The following TTC22 variants were observed in gnomAD, a reference collection of about 807,000 sequenced individuals.
The protein encoded by TTC22 is tetratricopeptide repeat domain 22, also known as tetratricopeptide repeat protein 22.
Under a neutral mutation model 48.2 loss-of-function variants are expected in TTC22, and 42 were observed. That is an observed-to-expected ratio of 0.87 (90% CI 0.68 to 1.13). The LOEUF (loss-of-function observed/expected upper bound fraction) is 1.13. Among genes scored for constraint, TTC22 ranks in the 50% most tolerant of loss-of-function variants. TTC22 has a pLI of 0.00. For synonymous variants in TTC22, 345 were observed against 365.5 expected (o/e 0.94, Z 0.64); for missense variants, 784 against 807.0 (o/e 0.97, Z 0.34).
chr1:54,794,446 A>G (rs1168718040), intron 1 of TTC22, among the ~76,000 whole-genome samples: 1 of 152,206 alleles, frequency 6.6e-6, no homozygotes, highest in East Asian at 1.9e-4. Context: ...AAGATCTTTC[A>G]CTACCCCAAT....
Position 54,781,030 on chromosome 1 carries a change from T to A in TTC22, c.*213A>T, listed in dbSNP as rs964154004. ...TGTTTTCTCACCTCTGCTCCCAGCCTCTTCTGCTCTCGGGAATCAGGCCTT... is the reference window on the plus strand; with the variant it reads ...TGTTTTCTCACCTCTGCTCCCAGCCACTTCTGCTCTCGGGAATCAGGCCTT... On this transcript the variant is annotated 3_prime_UTR_variant, in exon 7 of 7. Transcript: ENST00000371276. 3 of 401,350 alleles carry A rather than the reference T, an allele frequency of 7.5e-6. No individual in the cohort carries two copies. Among genetic ancestry groups the A allele is most frequent in the African/African-American group, 6.3e-5 (3 of 47,908 alleles). 24.9% of individuals were successfully genotyped at this position (401,350 alleles called of 1,614,324 possible). A position where few individuals can be genotyped will look rare whatever the true frequency, so the allele number is the denominator to read the frequency against.
At chr1:54,784,505 C>G in intron 5 of TTC22, 1 of 997,642 alleles carries the variant, frequency 1.0e-6, no homozygotes, top group Non-Finnish European at 1.2e-6. Context: ...TCCGGCCTCT[C>G]TCAGAGGGTT....
chr1:54,797,286 A>G (rs75364785), intron 1 of TTC22, among the ~76,000 whole-genome samples: 2 of 16,228 alleles, frequency 1.2e-4, no homozygotes, highest in South Asian at 3.8e-3. Context: ...GTGTATACAC[A>G]TGTGTGTATA....
rs1646310753 is a variant in TTC22, at chr1:54,787,166, A to G, written c.740-91T>C. 4 of 644,882 alleles carry G rather than the reference A, an allele frequency of 6.2e-6. No homozygotes were observed. The South Asian group carries it at 6.5e-5, about 10-fold the overall frequency. 39.9% of individuals were successfully genotyped at this position (644,882 alleles called of 1,614,324 possible). A position where few individuals can be genotyped will look rare whatever the true frequency, so the allele number is the denominator to read the frequency against. ...CCCATCCTAGGTGTCACCCATGAAG[A>G]CAAAGCAAGGGATAGTAGAGTGGGA... On this transcript the variant is annotated intron_variant, in intron 3 of 6. Transcript: ENST00000371276.
chr1:54,799,755 G>A (rs2101476761), intron 1 of TTC22, among the ~76,000 whole-genome samples: 1 of 152,304 alleles, frequency 6.6e-6, no homozygotes, highest in Non-Finnish European at 1.5e-5. Flanking sequence ...CTCCCAGCCG[G>A]GGAGAGGGAG....
chr1:54,785,945 C>T, intron 5 of TTC22, 38 bp downstream of exon 5: 2 of 1,591,354 alleles, frequency 1.3e-6, no homozygotes, highest in Non-Finnish European at 1.7e-6. Flanking sequence ...TCTCTGATTC[C>T]CAATGGCAGG....
intron 5 of TTC22, chr1:54,784,565 C>T: frequency 9.8e-7 from 1 of 1,018,880 alleles, no homozygotes; most frequent in Non-Finnish European, 1.2e-6. Context: ...TGATGAAATG[C>T]AGAATTTTAT....
chr1:54,781,268 C>A lies in TTC22; in HGVS notation c.1685G>T (p.Arg562Leu). Reference sequence around the variant, plus strand: ...CTAGAATGAGACAGCCCGGCGGTCCCGCGGCGCGCTGGCGCCCTCGCCCTC... The same window carrying A: ...CTAGAATGAGACAGCCCGGCGGTCCAGCGGCGCGCTGGCGCCCTCGCCCTC... ...EREGEGASAP[R>L]DRRAVSF The change falls in exon 7 of 7, where the codon CGG becomes CTG. Residue 562 changes from arginine to leucine, a missense_variant. Arg to Leu is a moderately radical substitution (Grantham distance 102). Coordinates refer to ENST00000371276, the MANE Select transcript of TTC22 (RefSeq NM_001114108.2). 1 of 1,476,964 alleles carries A rather than the reference C, an allele frequency of 6.8e-7. No homozygotes were observed. Among genetic ancestry groups the A allele is most frequent in the Admixed American group, 2.4e-5 (1 of 41,172 alleles). The allele number at this position is 1,476,964 out of a possible 1,614,324, so 91.5% of individuals were successfully genotyped here.
chr1:54,795,295 T>C lies in TTC22; in HGVS notation c.567+5302A>G, dbSNP rs1161496561. 2.6e-5 allele frequency among the ~76,000 whole-genome samples: 4 copies of C among 152,326 alleles called. No individual in the cohort carries two copies. In the East Asian group the frequency reaches 5.8e-4, roughly 22 times the overall value. On this transcript the variant is annotated intron_variant, in intron 1 of 6. Transcript: ENST00000371276. ...TGGTATGCGCACAGGTGGAGGGAAT[T>C]TGGGACTTGGGTGTTAGGCCATGGA... is the stretch of plus-strand genomic sequence containing the variant.
chr1:54,796,192 G>A lies in TTC22; in HGVS notation c.567+4405C>T, dbSNP rs548668317. Among the ~76,000 whole-genome samples the A allele has an allele frequency of 9.8e-5, 15 of 152,388 alleles. No homozygotes were observed. The South Asian group carries it at 2.1e-3, about 21-fold the overall frequency. On this transcript the variant is annotated intron_variant, in intron 1 of 6. Transcript: ENST00000371276. The stretch of plus-strand genomic sequence containing the variant: ...TGTGTGCGCGTGTGTGTGTCTGTGC[G>A]CGTGCGCACGTGTGGACACGCATGC...
Position 54,787,774 on chromosome 1 carries a change from C to T in TTC22, c.676G>A (p.Ala226Thr). ...AGTAGGGCCAGCGTGCGGTTGAAGG[C>T]AGGCAGTCTCTTCTGCTCCTCACTG... Reference protein sequence around the residue: ...LGSEEQKRLPAFNRTLALLRQ... With the variant: ...LGSEEQKRLPTFNRTLALLRQ... Residue 226 changes from alanine to threonine, a missense_variant, in exon 3 of 7, where the codon GCC (alanine) becomes ACC (threonine). Physicochemically the swap from Ala to Thr is moderately conservative, Grantham distance 58 (BLOSUM62 0). Transcript: ENST00000371276. 6.2e-7 allele frequency: 1 copy of T among 1,613,410 alleles called. No individual in the cohort carries two copies. The highest frequency in any genetic ancestry group is 8.5e-7 in the Non-Finnish European group (1 of 1,179,744).
intron 5 of TTC22, among the ~76,000 whole-genome samples, chr1:54,782,914 T>C (rs943107203): frequency 1.3e-5 from 2 of 152,148 alleles, no homozygotes; most frequent in African/African-American, 4.8e-5. Flanking sequence ...AAAATAAATA[T>C]GGCAATGGGA....
chr1:54,788,467 C>G (rs1298339874), intron 1 of TTC22, among the ~76,000 whole-genome samples: 1 of 152,062 alleles, frequency 6.6e-6, no homozygotes, highest in African/African-American at 2.4e-5. Flanking sequence ...GCAGTCTTCA[C>G]CTTCCTGAGA....
In TTC22 at chr1:54,781,165, T is replaced by A; in HGVS notation, c.*78A>T. 9.4e-7 allele frequency: 1 copy of A among 1,066,112 alleles called. No individual in the cohort carries two copies. The highest frequency in any genetic ancestry group is 1.2e-6 in the Non-Finnish European group (1 of 803,174). 66.0% of individuals were successfully genotyped at this position (1,066,112 alleles called of 1,614,324 possible). A position where few individuals can be genotyped will look rare whatever the true frequency, so the allele number is the denominator to read the frequency against. On this transcript the variant is annotated 3_prime_UTR_variant, in exon 7 of 7. Transcript: ENST00000371276. ...TCCCAGGTCAGCCTAAGGCAGGGAG[T>A]CCATCCGGACCTGGTCCCATCAGCT...
chr1:54,799,506 C>A (rs2101476339), intron 1 of TTC22, among the ~76,000 whole-genome samples: 1 of 152,354 alleles, frequency 6.6e-6, no homozygotes, highest in East Asian at 1.9e-4. Flanking sequence ...GGTAGTGTTG[C>A]AGCTGAGACA....
intron 1 of TTC22, among the ~76,000 whole-genome samples, chr1:54,794,442 TTTCACTACCCCAATGAC>T (rs1172764318): frequency 6.6e-6 from 1 of 152,212 alleles, no homozygotes; most frequent in African/African-American, 2.4e-5. Flanking sequence ...ATAGAAGATC[TTTCACTACCCCAATGAC>T]TTACAATATA....
intron 4 of TTC22, 196 bp from the exon 5 acceptor site, chr1:54,786,340 T>G (rs776752970): frequency 1.3e-5 from 7 of 535,544 alleles, no homozygotes; most frequent in Admixed American, 3.3e-5. Flanking sequence ...GCACAACCTA[T>G]TGGCACTCAA....
intron 5 of TTC22, 32 bp downstream of exon 5, chr1:54,785,951 G>A (rs1188466852): frequency 6.3e-7 from 1 of 1,596,366 alleles, no homozygotes; most frequent in East Asian, 2.2e-5. Context: ...ATTCCCAATG[G>A]CAGGGTATGG....
In TTC22 at chr1:54,787,057, A is replaced by G. The variant is rs1224250792; in HGVS notation, c.758T>C (p.Leu253Pro). Residue 253 changes from leucine (L) to proline (P), a missense_variant, in exon 4 of 7, where the codon CTC (leucine) becomes CCC (proline). Coordinates refer to ENST00000371276, the MANE Select transcript of TTC22 (RefSeq NM_001114108.2). ...GTCCTTCCGCTCCAGCAGCATCCCG[A>G]GGTAGCACCAGGCCAGGGCTGGGGG... is the stretch of plus-strand genomic sequence containing the variant. ...PRHRALAWCY[L>P]GMLLERKDTF... is the part of the protein sequence containing the mutation. The G allele has an allele frequency of 6.5e-7, 1 of 1,531,188 alleles. No individual in the cohort carries two copies. Among genetic ancestry groups the G allele is most frequent in the East Asian group, 2.4e-5 (1 of 41,228 alleles). 94.9% of individuals were successfully genotyped at this position (1,531,188 alleles called of 1,614,324 possible).
Sources: allele counts gnomAD v4.1 joint callset (sites outside exome capture counted in the v4.1 genomes callset), GRCh38; gene constraint gnomAD v4.1.1; transcripts MANE v1.5; gene names NCBI Gene and HGNC (gene_info 2026-07-23, HGNC 2026-07-21).